The following DNAH6 variants were observed in gnomAD, a reference collection of about 807,000 sequenced individuals.
DNAH6 encodes dynein axonemal heavy chain 6, also known as axonemal beta dynein heavy chain 6.
Under a neutral mutation model 491.4 loss-of-function variants are expected in DNAH6, and 340 were observed. The observed-to-expected ratio is 0.69, with a 90% confidence interval of 0.63 to 0.76. The LOEUF (loss-of-function observed/expected upper bound fraction) is 0.76. DNAH6 is among the 30% of genes least tolerant of loss of function. The pLI, the probability that DNAH6 is intolerant of heterozygous loss-of-function variation, is 0.00. For synonymous variants in DNAH6, 1,603 were observed against 1,686.1 expected (o/e 0.95, Z 1.21); for missense variants, 4,443 against 4,972.2 (o/e 0.89, Z 3.20).
intron 44 of DNAH6, among the ~76,000 whole-genome samples, chr2:84,687,807 A>G (rs1177424737): frequency 2.0e-5 from 3 of 152,236 alleles, no homozygotes; most frequent in East Asian, 1.9e-4. Flanking sequence ...CATTCTCAAC[A>G]ATTTAGGTAA....
intron 72 of DNAH6, among the ~76,000 whole-genome samples, chr2:84,810,956 T>G (rs1679911087): frequency 6.6e-6 from 1 of 152,172 alleles, no homozygotes; most frequent in Non-Finnish European, 1.5e-5. Context: ...CCTCTATCAT[T>G]TTTTGTGTTC....
chr2:84,614,824 T>C (rs1264543169), intron 22 of DNAH6, among the ~76,000 whole-genome samples: 1 of 152,198 alleles, frequency 6.6e-6, no homozygotes, highest in Non-Finnish European at 1.5e-5. Context: ...GTATACCTTC[T>C]TTTGAGAATT....
intron 4 of DNAH6, among the ~76,000 whole-genome samples, chr2:84,539,757 G>A (rs1678063041): frequency 6.6e-6 from 1 of 152,138 alleles, no homozygotes; most frequent in South Asian, 2.1e-4. Context: ...CTCTCCTGGT[G>A]ATGAAACTTG....
chr2:84,805,818 G>A (rs1416129577), intron 71 of DNAH6, 24 bp downstream of exon 71: 2 of 1,538,350 alleles, frequency 1.3e-6, no homozygotes, highest in Non-Finnish European at 1.8e-6. Context: ...CTAGGAATCT[G>A]TATGTAATGG....
intron 2 of DNAH6, among the ~76,000 whole-genome samples, chr2:84,523,407 C>T (rs1048441683): frequency 6.6e-6 from 1 of 151,914 alleles, no homozygotes; most frequent in Non-Finnish European, 1.5e-5. Flanking sequence ...AAAAAACCAA[C>T]TCCTGGATTT....
intron 41 of DNAH6, 108 bp downstream of exon 41, chr2:84,677,244 GTC>G: frequency 5.0e-6 from 7 of 1,410,768 alleles, no homozygotes; most frequent in Non-Finnish European, 6.8e-6. Flanking sequence ...CCATCTATCC[GTC>G]TCTTTCCTGA....
intron 11 of DNAH6, among the ~76,000 whole-genome samples, chr2:84,566,459 G>A (rs1363978031): frequency 1.3e-5 from 2 of 151,834 alleles, no homozygotes; most frequent in Non-Finnish European, 2.9e-5. Context: ...CACAAAAATA[G>A]GCTTGGAAAA....
chr2:84,679,994 T>C (rs1015390803), intron 41 of DNAH6, among the ~76,000 whole-genome samples: 4 of 152,226 alleles, frequency 2.6e-5, no homozygotes, highest in Admixed American at 6.5e-5. Context: ...TTGTCTATTC[T>C]CCATCATACA....
chr2:84,676,156 C>A (rs1558893126), intron 40 of DNAH6, among the ~76,000 whole-genome samples: 1 of 152,318 alleles, frequency 6.6e-6, no homozygotes, highest in South Asian at 2.1e-4. Context: ...CTTATTCTGT[C>A]CTTTGCAGAC....
chr2:84,815,324 T>C (rs940456873), intron 75 of DNAH6, among the ~76,000 whole-genome samples: 2 of 149,524 alleles, frequency 1.3e-5, no homozygotes, highest in African/African-American at 2.5e-5. Context: ...GGGCCAGAAA[T>C]GGCCAAATCC....
In DNAH6 at chr2:84,805,654, T is replaced by C; in HGVS notation, c.11482-11T>C. On this transcript the variant is annotated splice_polypyrimidine_tract_variant and intron_variant, in intron 70 of 76. Coordinates refer to ENST00000389394, the MANE Select transcript of DNAH6 (RefSeq NM_001370.2). ...GAGTCTTCACTGTTCTGTCTCTTAT[T>C]GCCATTACAGTACAAAGAGACCAGC... 6.5e-7 allele frequency: 1 copy of C among 1,543,864 alleles called. No individual in the cohort carries two copies. The highest frequency in any genetic ancestry group is 8.7e-7 in the Non-Finnish European group (1 of 1,143,998).
intron 60 of DNAH6, among the ~76,000 whole-genome samples, chr2:84,726,418 G>T (rs567187476): frequency 1.3e-5 from 2 of 152,142 alleles, no homozygotes; most frequent in Non-Finnish European, 1.5e-5. Context: ...TCCATGGAAG[G>T]CCACACATTC....
At chr2:84,714,578 G>A (rs531584395) in intron 57 of DNAH6, among the ~76,000 whole-genome samples, 1 of 152,118 alleles carries the variant, frequency 6.6e-6, no homozygotes, top group East Asian at 2.0e-4. Context: ...ATAATGTATT[G>A]TACATTTAAA....
chr2:84,552,048 CAAAA>C (rs34353031), intron 9 of DNAH6, among the ~76,000 whole-genome samples: 1 of 70,786 alleles, frequency 1.4e-5, no homozygotes, highest in African/African-American at 4.6e-5. Flanking sequence ...AACTCCGTCT[CAAAA>C]AAAAAAAAAA....
At chr2:84,588,370 A>G (rs983325230) in intron 15 of DNAH6, among the ~76,000 whole-genome samples, 2 of 152,248 alleles carry the variant, frequency 1.3e-5, no homozygotes, top group African/African-American at 4.8e-5. Flanking sequence ...TTTCAACCCT[A>G]ACAGGTCAGC....
chr2:84,678,313 T>C (rs1444908784), intron 41 of DNAH6, among the ~76,000 whole-genome samples: 4 of 152,044 alleles, frequency 2.6e-5, no homozygotes, highest in Non-Finnish European at 4.4e-5. Context: ...AAACAAGACA[T>C]AACAGCAACC....
At chr2:84,654,021 A>G in intron 34 of DNAH6, 147 bp downstream of exon 34, 1 of 670,010 alleles carries the variant, frequency 1.5e-6, no homozygotes, top group South Asian at 2.8e-5. Context: ...ATCCTTTTGT[A>G]ATAGATTGAC....
At chr2:84,583,063 A>C (rs2104029809) in intron 14 of DNAH6, among the ~76,000 whole-genome samples, 1 of 152,334 alleles carries the variant, frequency 6.6e-6, no homozygotes, top group East Asian at 1.9e-4. Context: ...GAGCATTCCC[A>C]AAACTGGGGT....
chr2:84,582,577 G>A (rs957043014), intron 14 of DNAH6, among the ~76,000 whole-genome samples: 8 of 152,164 alleles, frequency 5.3e-5, no homozygotes, highest in African/African-American at 1.7e-4. Context: ...TCAGCCTCCT[G>A]AGTAGCTGGG....
Sources: allele counts gnomAD v4.1 joint callset (sites outside exome capture counted in the v4.1 genomes callset), GRCh38; gene constraint gnomAD v4.1.1; transcripts MANE v1.5; gene names NCBI Gene and HGNC (gene_info 2026-07-23, HGNC 2026-07-21).